HDAC6: variants seen among roughly 807,000 people sequenced by gnomAD.
HDAC6 encodes the protein protein deacetylase HDAC6.
In HDAC6, 5 loss-of-function variants were observed where a neutral mutation model predicts 88.9. The observed-to-expected ratio is 0.06, with a 90% CI of 0.03 to 0.12. The LOEUF (loss-of-function observed/expected upper bound fraction) is 0.12, where lower values mean the gene tolerates loss of function less well. HDAC6 is among the 10% of genes least tolerant of loss of function. The pLI, the probability that HDAC6 is intolerant of heterozygous loss-of-function variation, is 1.00. For missense variants in HDAC6, 706 were observed against 1,014.4 expected, an observed-to-expected ratio of 0.70 and a Z score of 4.13; for synonymous variants, 378 against 398.0, an observed-to-expected ratio of 0.95 and a Z score of 0.60.
intron 23 of HDAC6, among the ~76,000 whole-genome samples, chrX:48,821,131 C>T (rs782744492): frequency 3.5e-4 from 39 of 111,436 alleles, no homozygotes; most frequent in Non-Finnish European, 3.2e-4. Flanking sequence ...AGCCACCGCA[C>T]CTGGCCCCTG....
chrX:48,805,925 A>G, intron 6 of HDAC6: 4 of 426,797 alleles, frequency 9.4e-6, no homozygotes, highest in Admixed American at 4.1e-5. Context: ...TATTACTGTT[A>G]TCATGATCTG....
intron 22 of HDAC6, 99 bp downstream of exon 22, chrX:48,818,511 G>T: frequency 9.8e-6 from 7 of 716,641 alleles, no homozygotes; most frequent in Non-Finnish European, 1.4e-5. Flanking sequence ...CTACCATGTG[G>T]CTGATGATAT....
chrX:48,806,208 G>A, intron 6 of HDAC6, 160 bp from the exon 7 acceptor site: 1 of 441,037 alleles, frequency 2.3e-6, no homozygotes, highest in Middle Eastern at 6.3e-4. Context: ...CCTGAACTGA[G>A]GCGGGCTAGG....
rs782792208 is a variant in HDAC6, at chrX:48,823,611, A to G, written c.3189+23A>G. On this transcript the variant is annotated intron_variant, in intron 25 of 28. Coordinates refer to ENST00000334136, the MANE Select transcript of HDAC6 (RefSeq NM_006044.4). The stretch of plus-strand genomic sequence containing the variant: ...CAGGTAAGGCTCACCACACCCAGGT[A>G]GGGGCAAGAAGGGGCAAGAATCGGG... 8 of 1,179,877 alleles carry G rather than the reference A, an allele frequency of 6.8e-6. No homozygotes were observed. The South Asian group carries it at 1.1e-4, about 16-fold the overall frequency.
chrX:48,818,042 A>G lies in HDAC6; in HGVS notation c.1927A>G (p.Ile643Val). ...ACTGAGGTGCTGTCTCCTCCCCAGG[A>G]TCCTGATTGTGGATTGGGATGTCCA... ...AQTISGHALR[I>V]LIVDWDVHHG... The change falls in exon 21 of 29, where the codon ATC (isoleucine) becomes GTC (valine). Residue 643 changes from isoleucine (I) to valine (V), a missense_variant and splice_region_variant. Transcript: ENST00000334136. The G allele has an allele frequency of 8.4e-7, 1 of 1,194,403 alleles. No homozygotes were observed. The highest frequency in any genetic ancestry group is 1.1e-6 in the Non-Finnish European group (1 of 886,775).
At position 48,824,855 on chromosome X, in the gene HDAC6, AG is replaced by A; in HGVS notation, c.*249del. ...CACCACTACTCCAGCCCAGAAGGAA[AG>A]GGGGGCAGCTCAGTGGCCCCAAGAG... On this transcript the variant is annotated 3_prime_UTR_variant, in exon 29 of 29. Coordinates refer to ENST00000334136, the MANE Select transcript of HDAC6 (RefSeq NM_006044.4). The A allele has an allele frequency of 8.9e-7, 1 of 1,120,646 alleles. No homozygotes were observed. Among genetic ancestry groups the A allele is most frequent in the Non-Finnish European group, 1.2e-6 (1 of 852,790 alleles). 92.4% of individuals were successfully genotyped at this position (1,120,646 alleles called of 1,213,427 possible). A position where few individuals can be genotyped will look rare whatever the true frequency, so the allele number is the denominator to read the frequency against.
In HDAC6 at chrX:48,817,096, C is replaced by CA. The variant is rs781965120; in HGVS notation, c.1792-224dup. 1.7e-3 allele frequency: 536 copies of CA among 306,921 alleles called. 1 individual carries two copies. Among genetic ancestry groups the CA allele is most frequent in the Non-Finnish European group, 2.6e-3 (461 of 178,684 alleles). The allele number at this position is 306,921 out of a possible 1,213,427, so 25.3% of individuals were successfully genotyped here. A position where few individuals can be genotyped will look rare whatever the true frequency, so the allele number is the denominator to read the frequency against. ...AACCCCGTCTCTACTAAGAAACATA[C>CA]AAAAAATTAGCCGGGCGTGGCAGCA... On this transcript the variant is annotated intron_variant, in intron 19 of 28. Coordinates refer to ENST00000334136, the MANE Select transcript of HDAC6 (RefSeq NM_006044.4).
Position 48,817,419 on chromosome X carries a change from G to A in HDAC6, c.1885G>A (p.Ala629Thr). Residue 629 changes from alanine (A) to threonine (T), a missense_variant, in exon 20 of 29, where the codon GCT (alanine) becomes ACT (threonine). Coordinates refer to ENST00000334136, the MANE Select transcript of HDAC6 (RefSeq NM_006044.4). Reference sequence around the variant, plus strand: ...TTGCTTTTTCAACTCTGTGGCTGTGGCTGCTCGCCATGCCCAGACTATCAG... The same window carrying A: ...TTGCTTTTTCAACTCTGTGGCTGTGACTGCTCGCCATGCCCAGACTATCAG... Reference protein sequence around the residue: ...GFCFFNSVAVAARHAQTISGH... With the variant: ...GFCFFNSVAVTARHAQTISGH... 2.5e-6 allele frequency: 3 copies of A among 1,210,142 alleles called. No individual in the cohort carries two copies. Among genetic ancestry groups the A allele is most frequent in the Non-Finnish European group, 3.4e-6 (3 of 894,994 alleles).
intron 4 of HDAC6, among the ~76,000 whole-genome samples, chrX:48,804,258 C>T (rs1166483044): frequency 8.9e-6 from 1 of 112,306 alleles, no homozygotes; most frequent in African/African-American, 3.2e-5. Flanking sequence ...AAAGGTTCCA[C>T]ATGATCTGGC....
Position 48,819,963 on chromosome X carries a change from C to T in HDAC6, c.2188-143C>T, listed in dbSNP as rs782610388. The T allele has an allele frequency of 6.9e-6, 4 of 582,847 alleles. No individual in the cohort carries two copies. The Admixed American group carries it at 1.0e-4, about 15-fold the overall frequency. 48.0% of individuals were successfully genotyped at this position (582,847 alleles called of 1,213,427 possible). A position where few individuals can be genotyped will look rare whatever the true frequency, so the allele number is the denominator to read the frequency against. ...TCTCTGCTTTTGTGTCTCCTAGTCT[C>T]CAGGTTCTGTGTCTCCATCTCTCTG... On this transcript the variant is annotated intron_variant, in intron 22 of 28. Coordinates refer to ENST00000334136, the MANE Select transcript of HDAC6 (RefSeq NM_006044.4).
rs1189755731 is a variant in HDAC6 at position 48,816,323 on chromosome X, CAG to C, written c.1622+55_1622+56del. 4.3e-6 allele frequency: 5 copies of C among 1,167,397 alleles called. No homozygotes were observed. In the African/African-American group the frequency reaches 8.9e-5, roughly 21 times the overall value. ...ATTCCCAGGACTGTGGATGAGGTCTCAGGGGCTGGAACTTGGGTTTCCCCTCC... is the reference window on the plus strand; with the variant it reads ...ATTCCCAGGACTGTGGATGAGGTCTCGGGCTGGAACTTGGGTTTCCCCTCC... On this transcript the variant is annotated intron_variant, in intron 18 of 28. Transcript: ENST00000334136.
At chrX:48,810,522 T>C (rs2147347939) in intron 10 of HDAC6, 1 of 112,099 alleles carries the variant, frequency 8.9e-6, no homozygotes, top group African/African-American at 3.2e-5. Flanking sequence ...TTCTCTGTTC[T>C]CTTTCTAGGA....
In HDAC6 at chrX:48,822,977, A is replaced by G; in HGVS notation, c.2578A>G (p.Lys860Glu). ...CACCAAGAAGGCACCCCAACCAGCC[A>G]AACCTAGGTTAGCTGAGCGGATGAC... ...LVTKKAPQPA[K>E]PRLAERMTTR... Residue 860 changes from lysine (K) to glutamate (E), a missense_variant, in exon 25 of 29, where the codon AAA becomes GAA. By Grantham distance (56) the Lys-to-Glu change is moderately conservative. Transcript: ENST00000334136. 8.3e-7 allele frequency: 1 copy of G among 1,209,685 alleles called. No homozygotes were observed. The highest frequency in any genetic ancestry group is 1.1e-6 in the Non-Finnish European group (1 of 894,255).
At chrX:48,807,491 G>A (rs1462658762) in intron 8 of HDAC6, among the ~76,000 whole-genome samples, 1 of 112,777 alleles carries the variant, frequency 8.9e-6, no homozygotes, top group Non-Finnish European at 1.9e-5. Context: ...GAATGAATGC[G>A]TTGATCATTT....
intron 1 of HDAC6, 136 bp downstream of exon 1, chrX:48,802,278 TG>T (rs2062738146): frequency 1.1e-6 from 1 of 877,227 alleles, no homozygotes; most frequent in Non-Finnish European, 1.4e-6. Context: ...GGCAGGTTCG[TG>T]AAGGAATGGG....
chrX:48,805,401 TC>T (rs1557023804), intron 4 of HDAC6, 36 bp from the exon 5 acceptor site: 1 of 1,052,421 alleles, frequency 9.5e-7, no homozygotes, highest in Admixed American at 2.2e-5. Context: ...CTCCCCAGTG[TC>T]CTCATGCATC....
Position 48,823,490 on chromosome X carries a change from A to AC in HDAC6, c.3098dup (p.Thr1034AsnfsTer55), listed in dbSNP as rs781824028. 5 of 1,207,871 alleles carry AC rather than the reference A, an allele frequency of 4.1e-6. No individual in the cohort carries two copies. ...TCTAGCCTCGAGCACAGACCACCAG[A>AC]CCCCCCCAACCTCACCTGTGCAGGG... On this transcript the variant is annotated frameshift_variant, in exon 25 of 29. Coordinates refer to ENST00000334136, the MANE Select transcript of HDAC6 (RefSeq NM_006044.4). LOFTEE classifies it high-confidence loss of function.
chrX:48,813,110 T>C (rs2062927426), intron 10 of HDAC6, among the ~76,000 whole-genome samples: 1 of 112,272 alleles, frequency 8.9e-6, no homozygotes, highest in Non-Finnish European at 1.9e-5. Flanking sequence ...GGTTTCGCCA[T>C]GTTGGCCATG....
rs1557029301 is a variant in HDAC6 at position 48,820,249 on chromosome X, C to T, written c.2331C>T (p.Ile777=). 1.7e-6 allele frequency: 2 copies of T among 1,177,847 alleles called. No homozygotes were observed. The highest frequency in any genetic ancestry group is 6.0e-5 in the East Asian group (2 of 33,500). ...TTGCCAGTGGCCGCATTATCCTTAT[C>T]CTAGAGGTAACTTTCTCTTGGTCCC... The part of the protein sequence containing the change: ...MGLASGRIIL[I]LEGGYNLTSI... Residue 777 remains isoleucine, a synonymous_variant, in exon 23 of 29, where the codon ATC becomes ATT. Transcript: ENST00000334136.
Sources: gnomAD v4.1 joint callset for allele counts (sites outside exome capture counted in the v4.1 genomes callset) on GRCh38, gnomAD v4.1.1 for gene constraint, MANE v1.5 for transcripts, NCBI Gene and HGNC (gene_info 2026-07-23, HGNC 2026-07-21) for gene names.